PHACTR2: variants seen among roughly 807,000 people sequenced by gnomAD.
PHACTR2 encodes phosphatase and actin regulator 2.
A neutral mutation model predicts 76.0 loss-of-function variants in PHACTR2; 30 were observed. The ratio of observed to expected loss-of-function variants is 0.39; its 90% CI spans 0.30 to 0.54. PHACTR2 has a LOEUF of 0.54. Ranked by LOEUF, PHACTR2 falls within the 20% of genes least tolerant of loss-of-function variation. PHACTR2 has a pLI of 0.61. For missense variants in PHACTR2, 696 were observed against 781.1 expected, an observed-to-expected ratio of 0.89 and a Z score of 1.30; for synonymous variants, 292 against 292.5, an observed-to-expected ratio of 1.00 and a Z score of 0.02.
chr6:143,666,687 T>C (rs1777043876), intron 1 of PHACTR2, among the ~76,000 whole-genome samples: 2 of 152,244 alleles, frequency 1.3e-5, no homozygotes, highest in Non-Finnish European at 2.9e-5. Context: ...TTTTGAGAAA[T>C]GTCTGTTCAT....
At position 143,614,568 on chromosome 6, in the gene PHACTR2, CA is replaced by C. The variant is rs1776032076; in HGVS notation, c.13+6248del. On this transcript the variant is annotated intron_variant, in intron 1 of 11. Transcript: ENST00000305766. Reference sequence around the variant, plus strand: ...CATAGATATTTAATTTCTAAACAATCAAGCATTCATACTTCCATAAGTATGT... The same window carrying C: ...CATAGATATTTAATTTCTAAACAATCAGCATTCATACTTCCATAAGTATGT... Among the ~76,000 whole-genome samples the C allele has an allele frequency of 3.9e-5, 6 of 152,218 alleles. No homozygotes were observed. The South Asian group carries it at 1.2e-3, about 32-fold the overall frequency.
chr6:143,547,032 A>G lies in PHACTR2; in HGVS notation c.217+9825A>G, dbSNP rs1245462264. Among the ~76,000 whole-genome samples the G allele has an allele frequency of 2.0e-5, 3 of 151,936 alleles. No homozygotes were observed. Among genetic ancestry groups the G allele is most frequent in the African/African-American group, 7.3e-5 (3 of 41,366 alleles). The stretch of plus-strand genomic sequence containing the variant: ...AGCCTGGGTAACAAAGTGTGACCCC[A>G]TCTAAAAAAAAAAAAGAATATGGCT... On this transcript the variant is annotated intron_variant, in intron 1 of 11. Transcript: ENST00000367584. This position sits in a 1 kb window ranked among gnomAD's most constrained non-coding sequence, Gnocchi z 4.2.
At chr6:143,642,534 A>G (rs1007024500) in intron 1 of PHACTR2, among the ~76,000 whole-genome samples, 2 of 152,162 alleles carry the variant, frequency 1.3e-5, no homozygotes, top group East Asian at 3.8e-4. Context: ...ACAGCCTTGC[A>G]TGTTGAAGTC....
chr6:143,605,818 T>G (rs1397167938), upstream of PHACTR2, among the ~76,000 whole-genome samples: 1 of 152,226 alleles, frequency 6.6e-6, no homozygotes, highest in Non-Finnish European at 1.5e-5. The surrounding 1 kb of genome is among the most constrained non-coding windows in gnomAD (Gnocchi z 5.0). Context: ...AGAATTATTT[T>G]CTGCCATTTT....
In PHACTR2 at chr6:143,678,018, C is replaced by T; in HGVS notation, c.-146C>T. The T allele has an allele frequency of 6.8e-7, 1 of 1,480,384 alleles. No homozygotes were observed. The highest frequency in any genetic ancestry group is 9.0e-7 in the Non-Finnish European group (1 of 1,111,958). The allele number at this position is 1,480,384 out of a possible 1,614,324, so 91.7% of individuals were successfully genotyped here. A position where few individuals can be genotyped will look rare whatever the true frequency, so the allele number is the denominator to read the frequency against. ...CTGCGGCCGGCCGGGCTGGGAGACC[C>T]GCGCGGGGTAGAAGGTGAGGGGACC... is the stretch of plus-strand genomic sequence containing the variant. On this transcript the variant is annotated 5_prime_UTR_variant, in exon 1 of 13. Coordinates refer to ENST00000440869, the MANE Select transcript of PHACTR2 (RefSeq NM_001100164.2). This position sits in a 1 kb window ranked among gnomAD's most constrained non-coding sequence, Gnocchi z 6.2.
chr6:143,746,610 A>C (rs1351791428), intron 2 of PHACTR2, among the ~76,000 whole-genome samples: 2 of 152,132 alleles, frequency 1.3e-5, no homozygotes, highest in African/African-American at 2.4e-5. Flanking sequence ...GCCACCCCTC[A>C]GAGCCCAGTC....
intron 1 of PHACTR2, among the ~76,000 whole-genome samples, chr6:143,651,236 T>C (rs1776758440): frequency 6.6e-6 from 1 of 152,168 alleles, no homozygotes; most frequent in African/African-American, 2.4e-5. Flanking sequence ...TCTTACACTC[T>C]TGGTGGGAGT....
chr6:143,616,063 G>A lies in PHACTR2; in HGVS notation c.13+7741G>A, dbSNP rs1391424749. 1.3e-5 allele frequency among the ~76,000 whole-genome samples: 2 copies of A among 152,178 alleles called. No individual in the cohort carries two copies. The highest frequency in any genetic ancestry group is 2.9e-5 in the Non-Finnish European group (2 of 68,020). Reference sequence around the variant, plus strand: ...CAGGTTTCAGAGCTATGGTTTCAAAGTTTCAGGGTTTCCTACCACTTGGTA... The same window carrying A: ...CAGGTTTCAGAGCTATGGTTTCAAAATTTCAGGGTTTCCTACCACTTGGTA... On this transcript the variant is annotated intron_variant, in intron 1 of 11. Coordinates refer to the PHACTR2 transcript ENST00000305766. The surrounding 1 kb of genome is among the most constrained non-coding windows in gnomAD (Gnocchi z 4.9).
In PHACTR2 at chr6:143,821,602, G is replaced by C. The variant is rs998171861; in HGVS notation, c.1923-2072G>C. The stretch of plus-strand genomic sequence containing the variant: ...CCAAAGGTTATGGGAACACAGGAAA[G>C]AGAGCAATTAGTGCTTCCCTGAGCA... On this transcript the variant is annotated intron_variant, in intron 12 of 12. Coordinates refer to ENST00000440869, the MANE Select transcript of PHACTR2 (RefSeq NM_001100164.2). This position sits in a 1 kb window ranked among gnomAD's most constrained non-coding sequence, Gnocchi z 5.2. Among the ~76,000 whole-genome samples, 15 of 152,222 alleles carry C rather than the reference G, an allele frequency of 9.9e-5. No individual in the cohort carries two copies. The highest frequency in any genetic ancestry group is 3.1e-4 in the African/African-American group (13 of 41,470).
rs975666201 is a variant in PHACTR2 at position 143,543,150 on chromosome 6, A to G, written c.217+5943A>G. ...CCTTGCATCATGCTCAGTAAATAAC[A>G]TGATGATGATGATGACTGTTCTTGT... On this transcript the variant is annotated intron_variant, in intron 1 of 11. Transcript: ENST00000367584. This position sits in a 1 kb window ranked among gnomAD's most constrained non-coding sequence, Gnocchi z 4.7. 4.6e-5 allele frequency among the ~76,000 whole-genome samples: 7 copies of G among 152,176 alleles called. No individual in the cohort carries two copies. The highest frequency in any genetic ancestry group is 8.8e-5 in the Non-Finnish European group (6 of 68,022).
chr6:143,660,100 AC>A (rs1776921413), intron 1 of PHACTR2, among the ~76,000 whole-genome samples: 1 of 152,202 alleles, frequency 6.6e-6, no homozygotes, highest in Non-Finnish European at 1.5e-5. Flanking sequence ...ACTGCTTACT[AC>A]TGGTAGGCCT....
At chr6:143,706,568 TC>T (rs1778058948) in intron 1 of PHACTR2, among the ~76,000 whole-genome samples, 1 of 152,186 alleles carries the variant, frequency 6.6e-6, no homozygotes, top group African/African-American at 2.4e-5. Context: ...CATCTGCCAC[TC>T]CCGTACTTCC....
At chr6:143,568,332 C>A (rs1417055218) in intron 1 of PHACTR2, among the ~76,000 whole-genome samples, 1 of 152,168 alleles carries the variant, frequency 6.6e-6, no homozygotes, top group Non-Finnish European at 1.5e-5. Context: ...GGTTATAGGG[C>A]CCTTGTAAAC....
chr6:143,593,040 C>G (rs1775709949), intron 1 of PHACTR2, among the ~76,000 whole-genome samples: 1 of 128,820 alleles, frequency 7.8e-6, no homozygotes, highest in African/African-American at 3.0e-5. Context: ...GAGCAAGACC[C>G]TGCCTCAAAA....
intron 9 of PHACTR2, among the ~76,000 whole-genome samples, chr6:143,781,270 T>C (rs1775426438): frequency 6.6e-6 from 1 of 152,206 alleles, no homozygotes; most frequent in Non-Finnish European, 1.5e-5. Flanking sequence ...CCTAACTGCA[T>C]TTGGCCCTTC....
chr6:143,606,445 C>T (rs2128436610), upstream of PHACTR2, among the ~76,000 whole-genome samples: 1 of 152,164 alleles, frequency 6.6e-6, no homozygotes, highest in South Asian at 2.1e-4. Context: ...ATCCATTTGT[C>T]ATTTAAGGAC....
At chr6:143,798,227 G>A (rs984999772) in intron 11 of PHACTR2, among the ~76,000 whole-genome samples, 10 of 152,184 alleles carry the variant, frequency 6.6e-5, no homozygotes, top group African/African-American at 1.9e-4. Context: ...AGGAATGCTT[G>A]TGATTTTTGC....
At chr6:143,605,539 C>T (rs1775860279), upstream of PHACTR2, among the ~76,000 whole-genome samples, 1 of 151,956 alleles carries the variant, frequency 6.6e-6, no homozygotes, top group Non-Finnish European at 1.5e-5. The surrounding 1 kb of genome is among the most constrained non-coding windows in gnomAD (Gnocchi z 5.0). Context: ...TCCTCTGATG[C>T]TGGGGAGGGA....
rs189536416 is a variant in PHACTR2 at position 143,596,076 on chromosome 6, A to C, written c.217+58869A>C. On this transcript the variant is annotated intron_variant, in intron 1 of 11. Transcript: ENST00000367584. The surrounding 1 kb of genome is among the most constrained non-coding windows in gnomAD (Gnocchi z 4.6). ...GTTGGCGGAGATTCTATAAATTTAG[A>C]TAATTTACTAATCATTATGCTTATT... is the stretch of plus-strand genomic sequence containing the variant. Among the ~76,000 whole-genome samples the C allele has an allele frequency of 6.9e-4, 105 of 152,382 alleles. 1 individual carries two copies. Among genetic ancestry groups the C allele is most frequent in the Admixed American group, 8.5e-4 (13 of 15,310 alleles).
Sources: gnomAD v4.1 joint callset for allele counts (sites outside exome capture counted in the v4.1 genomes callset) on GRCh38, gnomAD v4.1.1 for gene constraint, Gnocchi (gnomAD v3.1) non-coding constraint, MANE v1.5 for transcripts, NCBI Gene and HGNC (gene_info 2026-07-23, HGNC 2026-07-21) for gene names.